INPP4B: variants seen among roughly 807,000 people sequenced by gnomAD.
The protein encoded by INPP4B is inositol polyphosphate-4-phosphatase type II B.
Under a neutral mutation model 122.5 loss-of-function variants are expected in INPP4B, and 55 were observed. That is an observed-to-expected ratio of 0.45 (90% CI 0.36 to 0.56). INPP4B has a LOEUF of 0.56. Ranked by LOEUF, INPP4B falls within the 20% of genes least tolerant of loss-of-function variation. The probability of loss-of-function intolerance (pLI) is 0.00; values close to 1 mark genes in which losing one functional copy is unlikely to be tolerated. For missense variants in INPP4B, 1,000 were observed against 1,097.7 expected, an observed-to-expected ratio of 0.91 and a Z score of 1.26; for synonymous variants, 403 against 388.7, an observed-to-expected ratio of 1.04 and a Z score of -0.43.
At position 142,678,974 on chromosome 4, in the gene INPP4B, T is replaced by C. The variant is rs142228259; in HGVS notation, c.-191+46865A>G. Among the ~76,000 whole-genome samples, 1,064 of 152,008 alleles carry C rather than the reference T, an allele frequency of 7.0e-3. 6 individuals carry two copies. Among genetic ancestry groups the C allele is most frequent in the Middle Eastern group, 0.017 (5 of 294 alleles). On this transcript the variant is annotated intron_variant, in intron 2 of 25. Transcript: ENST00000262992. The stretch of plus-strand genomic sequence containing the variant: ...AATAAGACTGGGGAAATTATTCTAC[T>C]GTTCTAACCAAAAAAGGAAAATAAA...
chr4:142,644,740 TAAAAAAAAAAAA>T (rs55700762), intron 2 of INPP4B, among the ~76,000 whole-genome samples: 1,544 of 71,100 alleles, frequency 0.022, 40 homozygotes, highest in African/African-American at 0.065. Context: ...CATCTCTACT[TAAAAAAAAAAAA>T]AAAAAAAAAA....
chr4:142,275,467 C>G (rs1040523771), intron 9 of INPP4B, among the ~76,000 whole-genome samples: 4 of 151,654 alleles, frequency 2.6e-5, no homozygotes, highest in Non-Finnish European at 4.4e-5. Context: ...TTTAAACCAT[C>G]TAGACATGTA....
intron 1 of INPP4B, among the ~76,000 whole-genome samples, chr4:142,802,118 A>G (rs1778075360): frequency 6.6e-6 from 1 of 152,134 alleles, no homozygotes. Flanking sequence ...TCAAGTATTG[A>G]GGCAGATACT....
At chr4:142,747,375 G>T (rs1288211916) in intron 1 of INPP4B, among the ~76,000 whole-genome samples, 1 of 152,044 alleles carries the variant, frequency 6.6e-6, no homozygotes, top group East Asian at 1.9e-4. Context: ...GAAACCACAG[G>T]TACTGGAGAG....
intron 2 of INPP4B, among the ~76,000 whole-genome samples, chr4:142,469,494 C>T (rs879941186): frequency 6.6e-6 from 1 of 151,926 alleles, no homozygotes; most frequent in Non-Finnish European, 1.5e-5. Flanking sequence ...ATTTTAGAAG[C>T]TCTTAAAATT....
intron 9 of INPP4B, among the ~76,000 whole-genome samples, chr4:142,302,190 C>A (rs867701329): frequency 6.6e-6 from 1 of 152,074 alleles, no homozygotes; most frequent in Non-Finnish European, 1.5e-5. Context: ...CAGGCCCTTT[C>A]ACACTTTTCC....
intron 2 of INPP4B, among the ~76,000 whole-genome samples, chr4:142,601,532 C>T (rs994948929): frequency 6.1e-5 from 9 of 148,244 alleles, no homozygotes; most frequent in African/African-American, 2.0e-4. Context: ...CCAATACCTA[C>T]GGGACACAGC....
At chr4:142,787,502 T>C (rs1413546121) in intron 1 of INPP4B, among the ~76,000 whole-genome samples, 1 of 152,130 alleles carries the variant, frequency 6.6e-6, no homozygotes, top group African/African-American at 2.4e-5. Flanking sequence ...ATTTTCTTTG[T>C]AAGTTACCCA....
intron 2 of INPP4B, among the ~76,000 whole-genome samples, chr4:142,500,462 T>C (rs1433820320): frequency 6.6e-6 from 1 of 152,234 alleles, no homozygotes; most frequent in Non-Finnish European, 1.5e-5. Context: ...AGCTTCTTGC[T>C]AGTTTTATAA....
chr4:142,244,786 T>C (rs1670171816), intron 11 of INPP4B, among the ~76,000 whole-genome samples: 2 of 152,216 alleles, frequency 1.3e-5, no homozygotes, highest in African/African-American at 2.4e-5. Flanking sequence ...TGGTTCTAGA[T>C]CCTTGAGGAA....
At chr4:142,545,821 G>GTA (rs70949172) in intron 2 of INPP4B, among the ~76,000 whole-genome samples, 80 of 111,900 alleles carry the variant, frequency 7.1e-4, no homozygotes, top group African/African-American at 2.3e-3. Flanking sequence ...ATACATGTGT[G>GTA]TATATATATA....
chr4:142,625,156 A>G (rs1382164002), intron 2 of INPP4B, among the ~76,000 whole-genome samples: 26 of 151,458 alleles, frequency 1.7e-4, no homozygotes, highest in African/African-American at 5.1e-4. Flanking sequence ...AGAAGGAAAT[A>G]AAGGGTATTC....
chr4:142,622,199 G>A (rs997148248), intron 2 of INPP4B, among the ~76,000 whole-genome samples: 2 of 151,710 alleles, frequency 1.3e-5, no homozygotes, highest in African/African-American at 4.8e-5. Flanking sequence ...TGTGGGCCCG[G>A]GCTACAAACT....
intron 18 of INPP4B, among the ~76,000 whole-genome samples, chr4:142,127,240 A>G (rs191577813): frequency 6.6e-6 from 1 of 152,194 alleles, no homozygotes; most frequent in Non-Finnish European, 1.5e-5. Flanking sequence ...TCAATACTTT[A>G]TATGATTTTT....
At chr4:142,297,533 C>T (rs1455517254) in intron 9 of INPP4B, among the ~76,000 whole-genome samples, 1 of 152,180 alleles carries the variant, frequency 6.6e-6, no homozygotes, top group Non-Finnish European at 1.5e-5. Flanking sequence ...GGCACCTCCC[C>T]CACCTCCATT....
intron 9 of INPP4B, among the ~76,000 whole-genome samples, chr4:142,303,535 G>A (rs968739416): frequency 2.4e-4 from 36 of 151,954 alleles, no homozygotes; most frequent in Admixed American, 9.2e-4. Flanking sequence ...CAGAATCAGT[G>A]GAAAGAAAAT....
At position 142,399,159 on chromosome 4, in the gene INPP4B, A is replaced by G. The variant is rs553181202; in HGVS notation, c.372+3779T>C. On this transcript the variant is annotated intron_variant, in intron 7 of 25. Transcript: ENST00000262992. The stretch of plus-strand genomic sequence containing the variant: ...GAAAAAGAGACAAAGTTTTATGGTG[A>G]TGTTCTTTTCCTTTCTAAATTTCCT... Among the ~76,000 whole-genome samples, 41 of 105,386 alleles carry G rather than the reference A, an allele frequency of 3.9e-4. No individual in the cohort carries two copies. In the East Asian group the frequency reaches 0.012, roughly 31 times the overall value. The allele number at this position is 105,386 out of a possible 152,430, so 69.1% of individuals were successfully genotyped here.
At chr4:142,647,474 A>G (rs554310133) in intron 2 of INPP4B, among the ~76,000 whole-genome samples, 5 of 152,322 alleles carry the variant, frequency 3.3e-5, no homozygotes, top group African/African-American at 9.6e-5. Context: ...AAGGCCATCA[A>G]TGATAACTTG....
rs7683383 is a variant in INPP4B at position 142,639,938 on chromosome 4, T to C, written c.-191+85901A>G. 2.0e-3 allele frequency among the ~76,000 whole-genome samples: 306 copies of C among 152,278 alleles called. 1 individual carries two copies. Among genetic ancestry groups the C allele is most frequent in the African/African-American group, 7.2e-3 (300 of 41,566 alleles). On this transcript the variant is annotated intron_variant, in intron 2 of 25. Coordinates refer to ENST00000262992, the MANE Select transcript of INPP4B (RefSeq NM_001101669.3). Reference sequence around the variant, plus strand: ...TTGAAAAGATAATCTTTTCAACAAATGGTACTACTACTTCTAGATGTGACC... The same window carrying C: ...TTGAAAAGATAATCTTTTCAACAAACGGTACTACTACTTCTAGATGTGACC...
Sources: allele counts gnomAD v4.1 joint callset (sites outside exome capture counted in the v4.1 genomes callset), GRCh38; gene constraint gnomAD v4.1.1; transcripts MANE v1.5; gene names NCBI Gene and HGNC (gene_info 2026-07-23, HGNC 2026-07-21).